Variants in SDK1 observed in about 807,000 individuals in gnomAD.
The protein encoded by SDK1 is sidekick cell adhesion molecule 1.
In SDK1, 157 loss-of-function variants were observed where a neutral mutation model predicts 245.5. The ratio of observed to expected loss-of-function variants is 0.64; its 90% CI spans 0.56 to 0.73. The LOEUF (loss-of-function observed/expected upper bound fraction) is 0.73, where lower values mean the gene tolerates loss of function less well. SDK1 is among the 30% of genes least tolerant of loss of function. The pLI, the probability that SDK1 is intolerant of heterozygous loss-of-function variation, is 0.00. For missense variants in SDK1, 3,583 were observed against 3,002.3 expected, an observed-to-expected ratio of 1.19 and a Z score of -4.52; for synonymous variants, 1,647 against 1,278.5, an observed-to-expected ratio of 1.29 and a Z score of -6.15.
chr7:3,326,931 T>G (rs568228517), intron 1 of SDK1, among the ~76,000 whole-genome samples: 1 of 150,996 alleles, frequency 6.6e-6, no homozygotes, highest in East Asian at 1.9e-4. Flanking sequence ...TACAAAGTGG[T>G]TATAAACTTT....
intron 30 of SDK1, among the ~76,000 whole-genome samples, chr7:4,152,115 C>T (rs1780423201): frequency 6.6e-6 from 1 of 152,232 alleles, no homozygotes; most frequent in African/African-American, 2.4e-5. Flanking sequence ...TCCTGCTGTT[C>T]CCTCCAGCTC....
At position 4,220,202 on chromosome 7, in the gene SDK1, G is replaced by C; in HGVS notation, c.5633G>C (p.Arg1878Pro). The change falls in exon 39 of 45, where the codon CGT becomes CCT. Residue 1878 changes from arginine to proline, a missense_variant. Transcript: ENST00000404826. The stretch of plus-strand genomic sequence containing the variant: ...ACCAAGGGAGTGACCTATTTCTTCC[G>C]TGTCCAAGCGCGGACCATCACCTAC... The part of the protein sequence containing the change: ...DLTKGVTYFF[R>P]VQARTITYGP... 6.2e-7 allele frequency: 1 copy of C among 1,614,026 alleles called. No individual in the cohort carries two copies. Among genetic ancestry groups the C allele is most frequent in the Non-Finnish European group, 8.5e-7 (1 of 1,180,024 alleles).
intron 28 of SDK1, among the ~76,000 whole-genome samples, chr7:4,132,981 A>G (rs755226744): frequency 6.6e-6 from 1 of 152,130 alleles, no homozygotes; most frequent in African/African-American, 2.4e-5. Context: ...GCTCATGGCG[A>G]TACCGTTTGT....
At chr7:3,581,681 A>C (rs957262115) in intron 1 of SDK1, among the ~76,000 whole-genome samples, 1 of 152,244 alleles carries the variant, frequency 6.6e-6, no homozygotes, top group Non-Finnish European at 1.5e-5. Context: ...GTTCTACGAC[A>C]AAGACACATA....
At chr7:3,672,912 A>T (rs1041741969) in intron 4 of SDK1, among the ~76,000 whole-genome samples, 1 of 149,378 alleles carries the variant, frequency 6.7e-6, no homozygotes, top group African/African-American at 2.5e-5. Context: ...TAAAAGCTCT[A>T]TTCTAACTCT....
At chr7:4,136,738 C>T (rs1210070579) in intron 28 of SDK1, among the ~76,000 whole-genome samples, 1 of 152,250 alleles carries the variant, frequency 6.6e-6, no homozygotes, top group African/African-American at 2.4e-5. Flanking sequence ...CCTGGCCAGA[C>T]ACGCGGGATC....
At chr7:3,577,521 T>G (rs1780332622) in intron 1 of SDK1, among the ~76,000 whole-genome samples, 1 of 152,014 alleles carries the variant, frequency 6.6e-6, no homozygotes, top group Non-Finnish European at 1.5e-5. Context: ...CTTCATTGTT[T>G]GTGCCTCCAC....
chr7:3,689,271 C>G (rs1369585249), intron 4 of SDK1, among the ~76,000 whole-genome samples: 4 of 152,316 alleles, frequency 2.6e-5, no homozygotes, highest in African/African-American at 9.6e-5. Context: ...TGATTCACCT[C>G]TCCCACAAAG....
chr7:3,805,612 G>A (rs1036169782), intron 4 of SDK1, among the ~76,000 whole-genome samples: 6 of 152,168 alleles, frequency 3.9e-5, no homozygotes, highest in African/African-American at 1.4e-4. Context: ...GTAGACTGTA[G>A]ACTTATAGAG....
intron 34 of SDK1, among the ~76,000 whole-genome samples, chr7:4,176,124 T>C (rs680037): frequency 0.64 from 97,493 of 151,600 alleles, 31,874 homozygotes; most frequent in Admixed American, 0.73. Flanking sequence ...CTTCCTTTTT[T>C]TTTTTTTAAA....
At chr7:3,955,458 A>C (rs1252025646) in intron 7 of SDK1, among the ~76,000 whole-genome samples, 3 of 152,154 alleles carry the variant, frequency 2.0e-5, no homozygotes, top group African/African-American at 7.2e-5. Flanking sequence ...AAGGTGGGAT[A>C]CCTAATCCCA....
chr7:3,968,020 C>A (rs573339536), intron 10 of SDK1, among the ~76,000 whole-genome samples: 1 of 152,368 alleles, frequency 6.6e-6, no homozygotes, highest in African/African-American at 2.4e-5. Flanking sequence ...TCTCTATCCA[C>A]GCCCTTCAGA....
chr7:3,883,852 C>T lies in SDK1; in HGVS notation c.847+62269C>T, dbSNP rs180955754. The stretch of plus-strand genomic sequence containing the variant: ...CTTGGTATCTTAATTTTTCTGTCTC[C>T]AGCGTTTTCTCCTTCACTCAAACGT... On this transcript the variant is annotated intron_variant, in intron 5 of 44. Coordinates refer to ENST00000404826, the MANE Select transcript of SDK1 (RefSeq NM_152744.4). 4.0e-3 allele frequency among the ~76,000 whole-genome samples: 616 copies of T among 152,238 alleles called. 3 individuals carry two copies. The highest frequency in any genetic ancestry group is 6.4e-3 in the Non-Finnish European group (437 of 68,022).
chr7:3,724,156 G>A (rs976615330), intron 4 of SDK1, among the ~76,000 whole-genome samples: 15 of 152,060 alleles, frequency 9.9e-5, no homozygotes, highest in African/African-American at 3.6e-4. Flanking sequence ...GTAGAGACAG[G>A]GTTTCATCAT....
At position 3,406,338 on chromosome 7, in the gene SDK1, T is replaced by C. The variant is rs144670411; in HGVS notation, c.298+104454T>C. On this transcript the variant is annotated intron_variant, in intron 1 of 44. Coordinates refer to ENST00000404826, the MANE Select transcript of SDK1 (RefSeq NM_152744.4). ...AGCTTTTCAGATAGCCCAGACAATATAAATAGCCCTAGATTTACCCTTAAG... is the reference window on the plus strand; with the variant it reads ...AGCTTTTCAGATAGCCCAGACAATACAAATAGCCCTAGATTTACCCTTAAG... 6.6e-5 allele frequency among the ~76,000 whole-genome samples: 10 copies of C among 152,294 alleles called. 1 individual carries two copies. In the East Asian group the frequency reaches 1.2e-3, roughly 18 times the overall value.
intron 44 of SDK1, among the ~76,000 whole-genome samples, chr7:4,248,942 C>T (rs1020071564): frequency 5.4e-5 from 8 of 147,252 alleles, no homozygotes; most frequent in Non-Finnish European, 1.0e-4. Flanking sequence ...CATACATGCA[C>T]AACACATACA....
At chr7:3,406,250 T>C (rs1193266763) in intron 1 of SDK1, among the ~76,000 whole-genome samples, 3 of 152,216 alleles carry the variant, frequency 2.0e-5, no homozygotes, top group African/African-American at 4.8e-5. Flanking sequence ...TGGCATAGAA[T>C]TTGGATGTGT....
intron 1 of SDK1, among the ~76,000 whole-genome samples, chr7:3,524,883 A>C (rs1261212523): frequency 6.6e-6 from 1 of 152,182 alleles, no homozygotes; most frequent in Non-Finnish European, 1.5e-5. Flanking sequence ...GCAGTGAGTC[A>C]CATCTGTAAT....
In SDK1 at chr7:3,640,793, C is replaced by G. The variant is rs1037649918; in HGVS notation, c.566-1165C>G. On this transcript the variant is annotated intron_variant, in intron 3 of 44. Transcript: ENST00000404826. ...CCGCCTCCTAGGTTCAAGTGATTCT[C>G]CTGCTTCAGCCTCCTGAGCAGCTGG... is the stretch of plus-strand genomic sequence containing the variant. Among the ~76,000 whole-genome samples the G allele has an allele frequency of 5.3e-5, 8 of 151,984 alleles. No homozygotes were observed. The South Asian group carries it at 1.0e-3, about 20-fold the overall frequency.
Sources: allele counts gnomAD v4.1 joint callset (sites outside exome capture counted in the v4.1 genomes callset), GRCh38; gene constraint gnomAD v4.1.1; transcripts MANE v1.5; gene names NCBI Gene and HGNC (gene_info 2026-07-23, HGNC 2026-07-21).